The following ARID4B variants were observed in gnomAD, a reference collection of about 807,000 sequenced individuals.
The protein encoded by ARID4B is AT-rich interaction domain 4B.
In ARID4B, 26 loss-of-function variants were observed where a neutral mutation model predicts 147.5. The ratio of observed to expected loss-of-function variants is 0.18; its 90% CI spans 0.13 to 0.24. The LOEUF (loss-of-function observed/expected upper bound fraction) is 0.24, where lower values mean the gene tolerates loss of function less well. Among genes scored for constraint, ARID4B ranks in the 10% least tolerant of loss-of-function variants. The pLI is 1.00. For missense variants in ARID4B, 1,179 were observed against 1,511.5 expected (o/e 0.78, Z 3.65); for synonymous variants, 512 against 507.9 (o/e 1.01, Z -0.11).
rs1331270799 is a variant in ARID4B, at chr1:235,213,803, G to T, written c.1807C>A (p.Leu603Ile). 6.2e-7 allele frequency: 1 copy of T among 1,613,930 alleles called. No homozygotes were observed. The highest frequency in any genetic ancestry group is 1.1e-5 in the South Asian group (1 of 91,066). The change falls in exon 17 of 24, where the codon CTT (leucine) becomes ATT (isoleucine). Residue 603 changes from leucine (L) to isoleucine (I), a missense_variant. Leu to Ile is a conservative substitution (Grantham distance 5). Around this residue, in one of 10 missense-constraint regions of ARID4B, gnomAD observed 28 missense variants for 67.6 expected, o/e 0.41. Coordinates refer to ENST00000264183, the MANE Select transcript of ARID4B (RefSeq NM_016374.6). ...KDSDVEGGEV[L>I]YLVHYCGWNV... ...CATCCGCAGTAATGCACCAAGTAAA[G>T]GACCTCTCCACCTTCGACATCAGAA...
In ARID4B at chr1:235,167,023, T is replaced by C. The variant is rs112339865; in HGVS notation, c.*1502A>G. On this transcript the variant is annotated 3_prime_UTR_variant, in exon 24 of 24. Coordinates refer to ENST00000264183, the MANE Select transcript of ARID4B (RefSeq NM_016374.6). ...ATAGCTTTTATTCTATAAGCTTTTTTCTTCAACATTTTGCTGTCAACAAAT... is the reference window on the plus strand; with the variant it reads ...ATAGCTTTTATTCTATAAGCTTTTTCCTTCAACATTTTGCTGTCAACAAAT... The C allele has an allele frequency of 1.4e-3, 263 of 182,502 alleles. No individual in the cohort carries two copies. Among genetic ancestry groups the C allele is most frequent in the African/African-American group, 5.9e-3 (252 of 42,622 alleles). The allele number at this position is 182,502 out of a possible 1,614,324, so 11.3% of individuals were successfully genotyped here.
At position 235,194,207 on chromosome 1, in the gene ARID4B, T is replaced by C; in HGVS notation, c.1931A>G (p.Lys644Arg). ...ATCTTTGTCTTTTTCTTTGTCTAAT[T>C]TATTCTAGGTTAAGAAAAAAAGTAT... is the stretch of plus-strand genomic sequence containing the variant. ...KIKHRKKIKN[K>R]LDKEKDKDEK... is the part of the protein sequence containing the mutation. Residue 644 changes from lysine (K) to arginine (R), a missense_variant, in exon 19 of 24, where the codon AAA becomes AGA. Coordinates refer to ENST00000264183, the MANE Select transcript of ARID4B (RefSeq NM_016374.6). 1.3e-6 allele frequency: 2 copies of C among 1,594,492 alleles called. No homozygotes were observed. The highest frequency in any genetic ancestry group is 1.7e-6 in the Non-Finnish European group (2 of 1,163,322).
intron 16 of ARID4B, among the ~76,000 whole-genome samples, chr1:235,215,404 A>C (rs1388775976): frequency 6.6e-6 from 1 of 152,096 alleles, no homozygotes; most frequent in Non-Finnish European, 1.5e-5. Flanking sequence ...AAACATCATA[A>C]GGCAGAACAA....
chr1:235,314,074 A>AC (rs1674266915), intron 2 of ARID4B, among the ~76,000 whole-genome samples: 1 of 152,170 alleles, frequency 6.6e-6, no homozygotes, highest in Non-Finnish European at 1.5e-5. Flanking sequence ...ACATTTAGTC[A>AC]CCCCAAACAA....
In ARID4B at chr1:235,273,049, T is replaced by C. The variant is rs141198788; in HGVS notation, c.7-12297A>G. On this transcript the variant is annotated intron_variant, in intron 2 of 23. Transcript: ENST00000264183. ...CCAGATACTCTGGAGAAATGTTTTC[T>C]GAAATCTCAAGTTCCTGGCAGTTAT... Among the ~76,000 whole-genome samples the C allele has an allele frequency of 2.6e-3, 399 of 152,354 alleles. 3 individuals are homozygous for C. The highest frequency in any genetic ancestry group is 9.2e-3 in the African/African-American group (382 of 41,580).
chr1:235,175,334 A>T lies in ARID4B; in HGVS notation c.3514T>A (p.Ser1172Thr). 1 of 1,614,164 alleles carries T rather than the reference A, an allele frequency of 6.2e-7. No individual in the cohort carries two copies. The highest frequency in any genetic ancestry group is 8.5e-7 in the Non-Finnish European group (1 of 1,180,016). Residue 1172 changes from serine (S) to threonine (T), a missense_variant, in exon 22 of 24, where the codon TCA (serine) becomes ACA (threonine). Physicochemically the swap from Ser to Thr is moderately conservative, Grantham distance 58 (BLOSUM62 1). This residue lies in a region of ARID4B where 357 missense variants were observed against 427.3 expected (regional missense o/e 0.84). Coordinates refer to ENST00000264183, the MANE Select transcript of ARID4B (RefSeq NM_016374.6). The part of the protein sequence containing the change: ...ESITKSQPVK[S>T]VSTGMKSHST... ...TGAGACTTCATTCCAGTGGAAACTG[A>T]TTTGACTGGCTGACTCTTAGTTATA...
At chr1:235,295,586 C>A (rs745438255) in intron 2 of ARID4B, among the ~76,000 whole-genome samples, 6 of 150,742 alleles carry the variant, frequency 4.0e-5, no homozygotes, top group Non-Finnish European at 7.4e-5. Context: ...CCAAGGCAGG[C>A]GGATCCGGAG....
intron 20 of ARID4B, chr1:235,181,319 T>A: frequency 1.7e-6 from 1 of 580,522 alleles, no homozygotes; most frequent in Non-Finnish European, 2.7e-6. Context: ...GGTTTGGATT[T>A]GGGCCTGGGT....
intron 14 of ARID4B, among the ~76,000 whole-genome samples, 191 bp from the exon 15 acceptor site, chr1:235,220,736 A>C (rs984574611): frequency 6.6e-6 from 1 of 152,200 alleles, no homozygotes; most frequent in Non-Finnish European, 1.5e-5. Context: ...TTCATTTAAA[A>C]CACTGTGCTC....
intron 9 of ARID4B, among the ~76,000 whole-genome samples, chr1:235,231,641 T>C (rs1459605692): frequency 6.6e-6 from 1 of 152,082 alleles, no homozygotes; most frequent in Non-Finnish European, 1.5e-5. Flanking sequence ...CACATGCCAC[T>C]ACCACCCGGC....
At chr1:235,281,757 A>G (rs1671685605) in intron 2 of ARID4B, among the ~76,000 whole-genome samples, 2 of 152,212 alleles carry the variant, frequency 1.3e-5, no homozygotes, top group Admixed American at 6.5e-5. Context: ...GGAGTTATTT[A>G]TTTAACAGTG....
intron 2 of ARID4B, among the ~76,000 whole-genome samples, chr1:235,266,135 C>T (rs899701032): frequency 1.5e-4 from 23 of 152,096 alleles, no homozygotes; most frequent in African/African-American, 5.1e-4. Context: ...AATCTTAAAT[C>T]TTTGTGGGGA....
At chr1:235,202,450 CAACT>C (rs890235966) in intron 17 of ARID4B, among the ~76,000 whole-genome samples, 8 of 149,564 alleles carry the variant, frequency 5.3e-5, no homozygotes, top group African/African-American at 9.9e-5. Context: ...ACTTAACATT[CAACT>C]AACAAAACAT....
intron 2 of ARID4B, among the ~76,000 whole-genome samples, chr1:235,264,402 T>C (rs374104129): frequency 5.3e-5 from 8 of 152,316 alleles, no homozygotes; most frequent in African/African-American, 1.2e-4. Flanking sequence ...GATTTGAGTA[T>C]GTAATTTTAG....
At chr1:235,284,899 A>AAT (rs201888239) in intron 2 of ARID4B, among the ~76,000 whole-genome samples, 2 of 133,522 alleles carry the variant, frequency 1.5e-5, no homozygotes, top group South Asian at 3.1e-4. Flanking sequence ...AAATGCAAAC[A>AAT]ATATATATAT....
chr1:235,312,372 A>G (rs950142439), intron 2 of ARID4B, among the ~76,000 whole-genome samples: 4 of 152,214 alleles, frequency 2.6e-5, no homozygotes, highest in African/African-American at 7.2e-5. Context: ...ATAAATACTC[A>G]TGTTTGATTC....
At chr1:235,190,848 A>G (rs1197007254) in intron 19 of ARID4B, among the ~76,000 whole-genome samples, 1 of 152,202 alleles carries the variant, frequency 6.6e-6, no homozygotes, top group Non-Finnish European at 1.5e-5. Context: ...GGATCTCCCT[A>G]GGAAAATAGC....
In ARID4B at chr1:235,181,372, G is replaced by A; in HGVS notation, c.3334+213C>T. Reference sequence around the variant, plus strand: ...TTCTGGTCCACAATAAAATGCCATGGATGGCTCAAGCAAAGCACATTAAAG... The same window carrying A: ...TTCTGGTCCACAATAAAATGCCATGAATGGCTCAAGCAAAGCACATTAAAG... On this transcript the variant is annotated intron_variant, in intron 20 of 23. Coordinates refer to ENST00000264183, the MANE Select transcript of ARID4B (RefSeq NM_016374.6). The A allele has an allele frequency of 4.1e-6, 3 of 724,576 alleles. No homozygotes were observed. The Admixed American group carries it at 1.0e-4, about 24-fold the overall frequency. The allele number at this position is 724,576 out of a possible 1,614,324, so 44.9% of individuals were successfully genotyped here.
rs113764924 is a variant in ARID4B, at chr1:235,181,497, CA to C, written c.3334+87del. Reference sequence around the variant, plus strand: ...ACACAAATATGACACTTAATCGCCTCAGGTTATAACAAGAGATACTGTGAAA... The same window carrying C: ...ACACAAATATGACACTTAATCGCCTCGGTTATAACAAGAGATACTGTGAAA... On this transcript the variant is annotated intron_variant, in intron 20 of 23. Transcript: ENST00000264183. 109 of 1,468,320 alleles carry C rather than the reference CA, an allele frequency of 7.4e-5. 1 individual carries two copies. In the African/African-American group the frequency reaches 9.7e-4, roughly 13 times the overall value. 91.0% of individuals were successfully genotyped at this position (1,468,320 alleles called of 1,614,324 possible). A position where few individuals can be genotyped will look rare whatever the true frequency, so the allele number is the denominator to read the frequency against.
Sources: gnomAD v4.1 joint callset for allele counts (sites outside exome capture counted in the v4.1 genomes callset) on GRCh38, gnomAD v4.1.1 for gene constraint, gnomAD v4.1.1 regional missense constraint, MANE v1.5 for transcripts, NCBI Gene and HGNC (gene_info 2026-07-23, HGNC 2026-07-21) for gene names.